Variants in RBM4B observed in about 807,000 individuals in gnomAD.
The protein encoded by RBM4B is RNA binding motif protein 4B, also known as RNA-binding protein 4B.
In RBM4B, 13 loss-of-function variants were observed where a neutral mutation model predicts 28.5. That is an observed-to-expected ratio of 0.46 (90% confidence interval 0.30 to 0.72). The LOEUF (loss-of-function observed/expected upper bound fraction) is 0.72, where lower values mean the gene tolerates loss of function less well. RBM4B is among the 30% of genes least tolerant of loss of function. The probability of loss-of-function intolerance (pLI) is 0.09; values close to 1 mark genes in which losing one functional copy is unlikely to be tolerated. For synonymous variants in RBM4B, 167 were observed against 179.1 expected, an observed-to-expected ratio of 0.93 and a Z score of 0.54; for missense variants, 387 against 477.6, an observed-to-expected ratio of 0.81 and a Z score of 1.77.
rs570978853 is a variant in RBM4B at position 66,666,053 on chromosome 11, AG to A, written c.*10-476del. Reference sequence around the variant, plus strand: ...CAAGCTTTCAGAAATGATGGTCACAAGGGGTAGGATATCAAGGAGCAGCCAG... The same window carrying A: ...CAAGCTTTCAGAAATGATGGTCACAAGGGTAGGATATCAAGGAGCAGCCAG... On this transcript the variant is annotated intron_variant, in intron 3 of 3. Coordinates refer to ENST00000310046, the MANE Select transcript of RBM4B (RefSeq NM_031492.4). 126 of 1,187,646 alleles carry A rather than the reference AG, an allele frequency of 1.1e-4. 1 individual carries two copies. The highest frequency in any genetic ancestry group is 8.0e-4 in the Admixed American group (35 of 43,730). 73.6% of individuals were successfully genotyped at this position (1,187,646 alleles called of 1,614,324 possible). A position where few individuals can be genotyped will look rare whatever the true frequency, so the allele number is the denominator to read the frequency against.
chr11:66,676,934 T>C lies in RBM4B; in HGVS notation c.146A>G (p.Glu49Gly). 1 of 1,614,194 alleles carries C rather than the reference T, an allele frequency of 6.2e-7. No individual in the cohort carries two copies. Among genetic ancestry groups the C allele is most frequent in the Non-Finnish European group, 8.5e-7 (1 of 1,180,036 alleles). The change falls in exon 2 of 4, where the codon GAG (glutamate) becomes GGG (glycine). Residue 49 changes from glutamate (E) to glycine (G), a missense_variant. This residue lies in a region of RBM4B where 161 missense variants were observed against 256.9 expected (regional missense o/e 0.63). Coordinates refer to ENST00000310046, the MANE Select transcript of RBM4B (RefSeq NM_031492.4). ...FVHIEDKTAA[E>G]DAIRNLHHYK... Reference sequence around the variant, plus strand: ...ATGGTGCAGGTTGCGTATGGCATCCTCAGCTGCCGTCTTGTCTTCTATGTG... The same window carrying C: ...ATGGTGCAGGTTGCGTATGGCATCCCCAGCTGCCGTCTTGTCTTCTATGTG...
At chr11:66,666,260 A>C in intron 3 of RBM4B, 1 of 1,122,378 alleles carries the variant, frequency 8.9e-7, no homozygotes, top group Non-Finnish European at 1.1e-6. Flanking sequence ...GGGAAAAAAA[A>C]AGTTAACTCA....
chr11:66,670,285 C>G (rs1326205612), intron 2 of RBM4B, among the ~76,000 whole-genome samples: 1 of 144,402 alleles, frequency 6.9e-6, no homozygotes, highest in Non-Finnish European at 1.5e-5. Flanking sequence ...GGTCTCTCAA[C>G]AAGAAGAATT....
intron 3 of RBM4B, chr11:66,666,648 G>C (rs1939241199): frequency 6.4e-6 from 1 of 155,364 alleles, no homozygotes; most frequent in South Asian, 2.0e-4. Flanking sequence ...TAAGAGACAG[G>C]TTATCTGATA....
chr11:66,675,278 T>A (rs951215069), intron 2 of RBM4B, among the ~76,000 whole-genome samples: 1 of 152,218 alleles, frequency 6.6e-6, no homozygotes, highest in African/African-American at 2.4e-5. Flanking sequence ...ACTACAATCC[T>A]GTGAGGGAGG....
chr11:66,669,656 G>A (rs1294953476), intron 2 of RBM4B, among the ~76,000 whole-genome samples: 1 of 152,102 alleles, frequency 6.6e-6, no homozygotes, highest in African/African-American at 2.4e-5. Context: ...ATGTTGGTCA[G>A]GCTGGTCTCA....
chr11:66,667,440 A>G (rs905958887), intron 3 of RBM4B: 10 of 152,186 alleles, frequency 6.6e-5, no homozygotes, highest in Admixed American at 2.0e-4. Context: ...AACACAAACA[A>G]AAATTGCTGG....
chr11:66,670,226 C>T (rs1165783081), intron 2 of RBM4B, among the ~76,000 whole-genome samples: 1 of 143,726 alleles, frequency 7.0e-6, no homozygotes, highest in Non-Finnish European at 1.5e-5. Flanking sequence ...TTTAGCCCAC[C>T]ACCCACCCCC....
At chr11:66,666,927 T>G (rs369524236) in intron 3 of RBM4B, 1 of 149,272 alleles carries the variant, frequency 6.7e-6, no homozygotes, top group East Asian at 1.9e-4. Context: ...TTTTTTTTTT[T>G]AAGAGAGAGA....
chr11:66,676,765 G>C lies in RBM4B; in HGVS notation c.315C>G (p.Ile105Met), dbSNP rs370152139. Residue 105 changes from isoleucine (I) to methionine (M), a missense_variant, in exon 2 of 4, where the codon ATC (isoleucine) becomes ATG (methionine). Coordinates refer to ENST00000310046, the MANE Select transcript of RBM4B (RefSeq NM_031492.4). The part of the protein sequence containing the change: ...RAKFEEYGPV[I>M]ECDIVKDYAF... ...CATAATCTTTCACGATGTCACATTC[G>C]ATGACCGGACCATACTCCTCAAACT... 3.5e-5 allele frequency: 57 copies of C among 1,614,002 alleles called. No homozygotes were observed. The highest frequency in any genetic ancestry group is 4.7e-5 in the Non-Finnish European group (55 of 1,180,032).
At chr11:66,675,185 T>C (rs1208514509) in intron 2 of RBM4B, among the ~76,000 whole-genome samples, 1 of 152,264 alleles carries the variant, frequency 6.6e-6, no homozygotes, top group Non-Finnish European at 1.5e-5. Flanking sequence ...GAAACACTCA[T>C]GGTTGCAAAG....
chr11:66,670,847 A>G (rs1421331201), intron 2 of RBM4B: 1 of 692,910 alleles, frequency 1.4e-6, no homozygotes, highest in Non-Finnish European at 2.6e-6. Context: ...CAGTACAGAT[A>G]AAAAGAACAG....
Position 66,668,990 on chromosome 11 carries a change from A to AGCCGCTGCC in RBM4B, c.705_713dup (p.Ala236_Ala238dup), listed in dbSNP as rs1369084200. 1.2e-6 allele frequency: 2 copies of AGCCGCTGCC among 1,614,170 alleles called. No homozygotes were observed. Among genetic ancestry groups the AGCCGCTGCC allele is most frequent in the East Asian group, 2.2e-5 (1 of 44,886 alleles). On this transcript the variant is annotated inframe_insertion, in exon 3 of 4. Coordinates refer to ENST00000310046, the MANE Select transcript of RBM4B (RefSeq NM_031492.4). The stretch of plus-strand genomic sequence containing the variant: ...TCTGCTCTGCGTAGTTGTATGCAGA[A>AGCCGCTGCC]GCCGCTGCCGCCGCTGCTACTGCCT...
chr11:66,672,504 T>TGGG (rs1183341363), intron 2 of RBM4B, among the ~76,000 whole-genome samples: 1 of 144,598 alleles, frequency 6.9e-6, no homozygotes, highest in African/African-American at 2.6e-5. Flanking sequence ...ATTAATTTTT[T>TGGG]TGGGGGGGGG....
rs758387422 is a variant in RBM4B at position 66,676,915 on chromosome 11, C to A, written c.165G>T (p.Leu55=). 6.2e-7 allele frequency: 1 copy of A among 1,614,128 alleles called. No individual in the cohort carries two copies. The highest frequency in any genetic ancestry group is 8.5e-7 in the Non-Finnish European group (1 of 1,180,028). Residue 55 remains leucine (L), a synonymous_variant, in exon 2 of 4, where the codon CTG becomes CTT. Transcript: ENST00000310046. ...TCACCCCATGAAGCTTGTAATGGTG[C>A]AGGTTGCGTATGGCATCCTCAGCTG... The part of the protein sequence containing the change: ...KTAAEDAIRN[L]HHYKLHGVNI...
chr11:66,666,000 GTGTTT>G, intron 3 of RBM4B: 2 of 1,466,242 alleles, frequency 1.4e-6, no homozygotes, highest in Non-Finnish European at 9.2e-7. Context: ...TATTCTAAAT[GTGTTT>G]TGTTTTAATC....
intron 3 of RBM4B, chr11:66,668,309 T>TG: frequency 3.5e-6 from 1 of 285,526 alleles, no homozygotes; most frequent in Non-Finnish European, 6.6e-6. Context: ...ATAACAAATG[T>TG]TAGATCTCTC....
At chr11:66,676,411 TG>T (rs1446613247) in intron 2 of RBM4B, 64 of 577,628 alleles carry the variant, frequency 1.1e-4, no homozygotes, top group Non-Finnish European at 2.7e-5. Flanking sequence ...CTCGAATCAA[TG>T]CAAGAATCCC....
In RBM4B at chr11:66,668,679, A is replaced by G. The variant is rs1269466042; in HGVS notation, c.1025T>C (p.Met342Thr). ...SAATRNSLYD[M>T]ARYEREQYVD... ...ATACTGCTCCCGTTCATACCGGGCC[A>G]TGTCATACAGAGAATTCCGTGTAGC... Residue 342 changes from methionine (M) to threonine (T), a missense_variant, in exon 3 of 4, where the codon ATG becomes ACG. Coordinates refer to ENST00000310046, the MANE Select transcript of RBM4B (RefSeq NM_031492.4). The G allele has an allele frequency of 1.9e-6, 3 of 1,614,118 alleles. No individual in the cohort carries two copies. Among genetic ancestry groups the G allele is most frequent in the East Asian group, 2.2e-5 (1 of 44,886 alleles).
Sources: gnomAD v4.1 joint callset for allele counts (sites outside exome capture counted in the v4.1 genomes callset) on GRCh38, gnomAD v4.1.1 for gene constraint, gnomAD v4.1.1 regional missense constraint, MANE v1.5 for transcripts, NCBI Gene and HGNC (gene_info 2026-07-23, HGNC 2026-07-21) for gene names.